EVC2: variants seen among roughly 807,000 people sequenced by gnomAD.
EVC2 encodes EvC ciliary complex subunit 2.
A neutral mutation model predicts 149.3 loss-of-function variants in EVC2; 148 were observed. The ratio of observed to expected loss-of-function variants is 0.99; its 90% CI spans 0.87 to 1.14. The LOEUF is 1.14. Among genes scored for constraint, EVC2 ranks in the 50% most tolerant of loss-of-function variants. EVC2 has a pLI of 0.00. For missense variants in EVC2, 1,854 were observed against 1,627.3 expected, an observed-to-expected ratio of 1.14 and a Z score of -2.40; for synonymous variants, 776 against 649.9, an observed-to-expected ratio of 1.19 and a Z score of -2.95.
chr4:5,697,909 C>T (rs1298508347), intron 1 of EVC2, among the ~76,000 whole-genome samples: 1 of 151,918 alleles, frequency 6.6e-6, no homozygotes, highest in East Asian at 1.9e-4. Flanking sequence ...CCACGCCCAG[C>T]TAATTTTTTT....
chr4:5,564,558 A>C (rs943201377), intron 21 of EVC2, among the ~76,000 whole-genome samples: 1 of 152,208 alleles, frequency 6.6e-6, no homozygotes, highest in South Asian at 2.1e-4. Context: ...TGAGGTAGAC[A>C]TGTCCGTTGA....
Position 5,640,622 on chromosome 4 carries a change from C to G in EVC2, c.1362G>C (p.Leu454Phe). The G allele has an allele frequency of 6.2e-7, 1 of 1,614,132 alleles. No individual in the cohort carries two copies. The highest frequency in any genetic ancestry group is 8.5e-7 in the Non-Finnish European group (1 of 1,180,032). ...QEEYDRKMVA[L>F]TAECDLETRK... is the part of the protein sequence containing the mutation. ...TTGTTTCCAGGTCACATTCAGCTGT[C>G]AATGCCACCATCTTCCGATCGTACT... Residue 454 changes from leucine (L) to phenylalanine (F), a missense_variant, in exon 10 of 22, where the codon TTG becomes TTC. By Grantham distance (22) the Leu-to-Phe change is conservative. Transcript: ENST00000344408. This position sits in a 1 kb window ranked among gnomAD's most constrained non-coding sequence, Gnocchi z 4.6.
At chr4:5,623,502 G>C (rs1377493825) in intron 13 of EVC2, among the ~76,000 whole-genome samples, 1 of 152,006 alleles carries the variant, frequency 6.6e-6, no homozygotes, top group Non-Finnish European at 1.5e-5. Flanking sequence ...ACCACACCCA[G>C]ATAATTTTTG....
At chr4:5,568,315 A>C in intron 20 of EVC2, 129 bp downstream of exon 20, 1 of 979,726 alleles carries the variant, frequency 1.0e-6, no homozygotes, top group South Asian at 1.8e-5. Flanking sequence ...GATTCTATTT[A>C]AAAAATAAAT....
chr4:5,632,126 C>T (rs1716588446), intron 10 of EVC2, 94 bp from the exon 11 acceptor site: 1 of 1,491,776 alleles, frequency 6.7e-7, no homozygotes, highest in East Asian at 2.3e-5. Flanking sequence ...CATGTGCACA[C>T]ACAATGTGTA....
rs1477940127 is a variant in EVC2 at position 5,567,085 on chromosome 4, G to C, written c.3557+1359C>G. On this transcript the variant is annotated intron_variant, in intron 20 of 21. Coordinates refer to ENST00000344408, the MANE Select transcript of EVC2 (RefSeq NM_147127.5). This position sits in a 1 kb window ranked among gnomAD's most constrained non-coding sequence, Gnocchi z 4.4. ...GTTTGGCAGAGGTGGCCTCCTTCTGGCTCCCTCTTGTTCCTCTGACCAGCC... is the reference window on the plus strand; with the variant it reads ...GTTTGGCAGAGGTGGCCTCCTTCTGCCTCCCTCTTGTTCCTCTGACCAGCC... 6.6e-6 allele frequency among the ~76,000 whole-genome samples: 1 copy of C among 151,928 alleles called. No homozygotes were observed. Among genetic ancestry groups the C allele is most frequent in the Non-Finnish European group, 1.5e-5 (1 of 68,026 alleles).
chr4:5,639,177 C>T (rs979427904), intron 10 of EVC2, among the ~76,000 whole-genome samples: 2 of 152,100 alleles, frequency 1.3e-5, no homozygotes, highest in Admixed American at 1.3e-4. Context: ...TATTTGCTCC[C>T]AGGGGCATCC....
Position 5,622,549 on chromosome 4 carries a change from T to TG in EVC2, c.2488dup (p.His830ProfsTer16). 2 of 1,613,758 alleles carry TG rather than the reference T, an allele frequency of 1.2e-6. No individual in the cohort carries two copies. Among genetic ancestry groups the TG allele is most frequent in the Non-Finnish European group, 1.7e-6 (2 of 1,179,924 alleles). On this transcript the variant is annotated frameshift_variant, in exon 14 of 22. Transcript: ENST00000344408. LOFTEE classifies it high-confidence loss of function. The surrounding 1 kb of genome is among the most constrained non-coding windows in gnomAD (Gnocchi z 5.8). ...CAAAGGCACTCACATGAAGATCAGG[T>TG]GCTCCCAGCGTCGCAGCTCTGCCTG...
chr4:5,599,070 A>T (rs1713735512), intron 16 of EVC2, among the ~76,000 whole-genome samples: 1 of 152,088 alleles, frequency 6.6e-6, no homozygotes, highest in Admixed American at 6.5e-5. Flanking sequence ...GTCAGGAAAC[A>T]ATAGGTGCTG....
intron 21 of EVC2, among the ~76,000 whole-genome samples, chr4:5,550,038 G>A (rs1017115441): frequency 6.6e-6 from 1 of 152,208 alleles, no homozygotes; most frequent in Non-Finnish European, 1.5e-5. Flanking sequence ...CCCCAGCCAT[G>A]TGAAACTGTA....
intron 21 of EVC2, among the ~76,000 whole-genome samples, chr4:5,547,412 C>T (rs1418247616): frequency 9.2e-5 from 14 of 152,234 alleles, no homozygotes; most frequent in Non-Finnish European, 1.9e-4. Flanking sequence ...CCCAGTGAGG[C>T]ACCACCTTCA....
intron 1 of EVC2, 86 bp from the exon 2 acceptor site, chr4:5,697,733 G>T: frequency 1.6e-6 from 2 of 1,252,230 alleles, no homozygotes; most frequent in Non-Finnish European, 2.3e-6. Flanking sequence ...GACTCACATG[G>T]AGAGGACATG....
At chr4:5,639,351 T>C (rs555454503) in intron 10 of EVC2, among the ~76,000 whole-genome samples, 72 of 152,354 alleles carry the variant, frequency 4.7e-4, no homozygotes, top group African/African-American at 1.7e-3. Flanking sequence ...GAAATCAGGT[T>C]TGATTTGGTA....
At chr4:5,680,692 G>C (rs1577244603) in intron 7 of EVC2, among the ~76,000 whole-genome samples, 1 of 152,210 alleles carries the variant, frequency 6.6e-6, no homozygotes, top group Non-Finnish European at 1.5e-5. Flanking sequence ...TGTCTCACAA[G>C]ACTGTGGTAA....
At position 5,637,569 on chromosome 4, in the gene EVC2, T is replaced by C. The variant is rs1716970824; in HGVS notation, c.1470+2945A>G. ...GAGTATTTAATAAAATCAGCAAATG[T>C]GTATACTGTGATGTAAAGTGAAAAT... On this transcript the variant is annotated intron_variant, in intron 10 of 21. Transcript: ENST00000344408. The surrounding 1 kb of genome is among the most constrained non-coding windows in gnomAD (Gnocchi z 4.4). Among the ~76,000 whole-genome samples, 1 of 152,232 alleles carries C rather than the reference T, an allele frequency of 6.6e-6. No individual in the cohort carries two copies. Among genetic ancestry groups the C allele is most frequent in the South Asian group, 2.1e-4 (1 of 4,834 alleles).
intron 7 of EVC2, among the ~76,000 whole-genome samples, chr4:5,674,015 T>C (rs560013846): frequency 7.5e-4 from 90 of 119,746 alleles, no homozygotes; most frequent in African/African-American, 2.9e-3. Context: ...CAGAAAATGC[T>C]TGATGAACAT....
intron 10 of EVC2, among the ~76,000 whole-genome samples, chr4:5,635,983 A>G (rs971550142): frequency 1.3e-5 from 2 of 152,238 alleles, no homozygotes; most frequent in South Asian, 4.1e-4. Context: ...AGGCATCTTT[A>G]AAAATTACAT....
chr4:5,613,623 G>C lies in EVC2; in HGVS notation c.2829+1799C>G, dbSNP rs1164111649. Among the ~76,000 whole-genome samples the C allele has an allele frequency of 6.6e-6, 1 of 152,072 alleles. No individual in the cohort carries two copies. Among genetic ancestry groups the C allele is most frequent in the Non-Finnish European group, 1.5e-5 (1 of 68,008 alleles). On this transcript the variant is annotated intron_variant, in intron 16 of 21. Transcript: ENST00000344408. The surrounding 1 kb of genome is among the most constrained non-coding windows in gnomAD (Gnocchi z 4.6). ...CTTCTGCTCTGCTTCCCTAGGGGTA[G>C]GCTGCCCCCCACAAGGAACCCCCTA...
chr4:5,536,032 C>T, the EVC2 span, among the ~76,000 whole-genome samples: 2 of 151,932 alleles, frequency 1.3e-5, no homozygotes, highest in South Asian at 4.1e-4. Flanking sequence ...TACCTACAGG[C>T]CCATCTGCTT....
Sources: allele counts gnomAD v4.1 joint callset (sites outside exome capture counted in the v4.1 genomes callset), GRCh38; gene constraint gnomAD v4.1.1; non-coding constraint Gnocchi (gnomAD v3.1); transcripts MANE v1.5; gene names NCBI Gene and HGNC (gene_info 2026-07-23, HGNC 2026-07-21).